MTA3: variants seen among roughly 807,000 people sequenced by gnomAD.
MTA3 encodes metastasis-associated protein MTA3.
A neutral mutation model predicts 83.5 loss-of-function variants in MTA3; 34 were observed. The ratio of observed to expected loss-of-function variants is 0.41; its 90% CI spans 0.31 to 0.54. The LOEUF is 0.54. Ranked by LOEUF, MTA3 falls within the 20% of genes least tolerant of loss-of-function variation. MTA3 has a pLI of 0.33. For missense variants in MTA3, 761 were observed against 726.4 expected (o/e 1.05, Z -0.55); for synonymous variants, 303 against 252.7 (o/e 1.20, Z -1.89).
chr2:42,654,681 T>A (rs1689003298), intron 6 of MTA3, among the ~76,000 whole-genome samples: 1 of 152,192 alleles, frequency 6.6e-6, no homozygotes, highest in African/African-American at 2.4e-5. Flanking sequence ...GTGGTATGAT[T>A]ATGGCTCACT....
intron 16 of MTA3, among the ~76,000 whole-genome samples, chr2:42,731,008 T>C (rs1668193501): frequency 6.6e-6 from 1 of 152,212 alleles, no homozygotes; most frequent in South Asian, 2.1e-4. Flanking sequence ...TTGCTTATGA[T>C]AGTCTCTAAT....
intron 5 of MTA3, 89 bp downstream of exon 5, chr2:42,640,325 G>A: frequency 1.1e-6 from 1 of 917,368 alleles, no homozygotes; most frequent in Non-Finnish European, 1.6e-6. Context: ...TTGTACAAAA[G>A]TATTATTCCA....
chr2:42,675,094 T>G (rs1472547128), intron 8 of MTA3, among the ~76,000 whole-genome samples: 1 of 152,092 alleles, frequency 6.6e-6, no homozygotes. Flanking sequence ...GGCCAACTTT[T>G]AGCTTTTTAA....
Position 42,682,464 on chromosome 2 carries a change from G to A in MTA3, c.766G>A (p.Val256Ile). The change falls in exon 9 of 17, where the codon GTA (valine) becomes ATA (isoleucine). Residue 256 changes from valine (V) to isoleucine (I), a missense_variant. Transcript: ENST00000405094. ...YDLSSAISVL[V>I]PLGGPVLCRD... ...TTTGAGCAGTGCCATTAGTGTCTTA[G>A]TACCACTCGGAGGACCTGTTTTATG... The A allele has an allele frequency of 6.2e-7, 1 of 1,612,244 alleles. No individual in the cohort carries two copies.
intron 2 of MTA3, among the ~76,000 whole-genome samples, chr2:42,507,764 T>A (rs1175885978): frequency 6.6e-6 from 1 of 151,680 alleles, no homozygotes; most frequent in East Asian, 1.9e-4. Context: ...CCCCCATTTC[T>A]ACAGAAACGT....
At chr2:42,587,567 C>G (rs551260823) in intron 3 of MTA3, among the ~76,000 whole-genome samples, 1 of 151,386 alleles carries the variant, frequency 6.6e-6, no homozygotes, top group South Asian at 2.1e-4. Context: ...CTGTTTTTTT[C>G]TCTCGATTTT....
intron 2 of MTA3, among the ~76,000 whole-genome samples, chr2:42,573,719 C>T (rs1678735638): frequency 6.6e-6 from 1 of 151,948 alleles, no homozygotes; most frequent in South Asian, 2.1e-4. Context: ...CCATGTTGGC[C>T]AGGCTGGTCT....
intron 6 of MTA3, among the ~76,000 whole-genome samples, chr2:42,654,393 A>T (rs1432088070): frequency 6.6e-6 from 1 of 152,224 alleles, no homozygotes; most frequent in African/African-American, 2.4e-5. Context: ...GCCTAATGTT[A>T]CAGATGCAGT....
intron 8 of MTA3, among the ~76,000 whole-genome samples, chr2:42,663,206 T>C (rs1689895416): frequency 1.3e-5 from 2 of 152,166 alleles, no homozygotes; most frequent in African/African-American, 4.8e-5. Context: ...TGAGTGCAAG[T>C]GGAAAAGCTT....
At chr2:42,726,932 C>A (rs548451927) in intron 16 of MTA3, among the ~76,000 whole-genome samples, 2 of 152,204 alleles carry the variant, frequency 1.3e-5, no homozygotes, top group South Asian at 4.1e-4. Context: ...GTGGCTTGCA[C>A]TGGTAATCCC....
chr2:42,616,134 C>A (rs1684854900), intron 4 of MTA3, among the ~76,000 whole-genome samples: 1 of 150,814 alleles, frequency 6.6e-6, no homozygotes, highest in African/African-American at 2.4e-5. Context: ...GATCTCGGCT[C>A]ACTGCAACTC....
chr2:42,707,112 T>G (rs369401234), intron 12 of MTA3, among the ~76,000 whole-genome samples: 1 of 151,442 alleles, frequency 6.6e-6, no homozygotes, highest in East Asian at 1.9e-4. Context: ...CTACAGGGGT[T>G]CACCACCACA....
chr2:42,562,505 T>G (rs1037783357), intron 2 of MTA3, among the ~76,000 whole-genome samples: 12 of 152,188 alleles, frequency 7.9e-5, no homozygotes, highest in African/African-American at 2.7e-4. Context: ...CTGACAATTT[T>G]TCTAGCTAGT....
chr2:42,627,172 G>A (rs995100747), intron 4 of MTA3, among the ~76,000 whole-genome samples: 15 of 152,062 alleles, frequency 9.9e-5, no homozygotes, highest in Non-Finnish European at 2.9e-5. Flanking sequence ...TGAACTCCTG[G>A]GCTCAAGCGA....
At chr2:42,713,418 T>G (rs1198271215) in intron 14 of MTA3, among the ~76,000 whole-genome samples, 1 of 152,196 alleles carries the variant, frequency 6.6e-6, no homozygotes, top group Non-Finnish European at 1.5e-5. Context: ...GTTTGCTTCT[T>G]TTGGTATTTT....
chr2:42,746,848 C>T (rs1290738444), intron 16 of MTA3, among the ~76,000 whole-genome samples: 1 of 152,228 alleles, frequency 6.6e-6, no homozygotes, highest in African/African-American at 2.4e-5. Flanking sequence ...TCCAGAAGCT[C>T]TCCAAACTCT....
At chr2:42,596,280 C>T (rs866957648) in intron 3 of MTA3, among the ~76,000 whole-genome samples, 8 of 152,242 alleles carry the variant, frequency 5.3e-5, no homozygotes, top group Non-Finnish European at 5.9e-5. Flanking sequence ...AACCAAGATA[C>T]TGAGTCCTTA....
At chr2:42,708,799 T>A in intron 13 of MTA3, 75 bp from the exon 14 acceptor site, 1 of 1,500,526 alleles carries the variant, frequency 6.7e-7, no homozygotes, top group East Asian at 2.3e-5. Context: ...CACTTTTCTT[T>A]TGAGCATGAT....
intron 4 of MTA3, among the ~76,000 whole-genome samples, chr2:42,612,661 G>A (rs1684368067): frequency 1.3e-5 from 2 of 152,122 alleles, no homozygotes; most frequent in Admixed American, 6.6e-5. Context: ...AGGATTCTGA[G>A]ACCAGCCTAG....
Sources: allele counts gnomAD v4.1 joint callset (sites outside exome capture counted in the v4.1 genomes callset), GRCh38; gene constraint gnomAD v4.1.1; transcripts MANE v1.5; gene names NCBI Gene and HGNC (gene_info 2026-07-23, HGNC 2026-07-21).